PPIL3: variants seen among roughly 807,000 people sequenced by gnomAD.
PPIL3 encodes peptidylprolyl isomerase like 3.
PPIL3 carries 13 observed loss-of-function variants against 20.9 expected under a neutral mutation model. The observed-to-expected ratio is 0.62, with a 90% CI of 0.40 to 0.99. The LOEUF (loss-of-function observed/expected upper bound fraction) is 0.99, where lower values mean the gene tolerates loss of function less well. Ranked by LOEUF, PPIL3 falls within the 50% of genes least tolerant of loss-of-function variation. PPIL3 has a pLI of 0.00. For missense variants in PPIL3, 170 were observed against 195.2 expected (o/e 0.87, Z 0.77); for synonymous variants, 71 against 64.4 (o/e 1.10, Z -0.49).
Position 200,878,503 on chromosome 2 carries a change from C to T in PPIL3, c.241-1466G>A, listed in dbSNP as rs190502968. Among the ~76,000 whole-genome samples, 14 of 151,894 alleles carry T rather than the reference C, an allele frequency of 9.2e-5. No individual in the cohort carries two copies. In the East Asian group the frequency reaches 2.7e-3, roughly 29 times the overall value. On this transcript the variant is annotated intron_variant, in intron 5 of 6. Coordinates refer to ENST00000392283, the MANE Select transcript of PPIL3 (RefSeq NM_130906.3). ...CTCCTAGGCTTGAGCAATCCTTCCACCTTGGCCTCCTGAGTAGCTGAGACT... is the reference window on the plus strand; with the variant it reads ...CTCCTAGGCTTGAGCAATCCTTCCATCTTGGCCTCCTGAGTAGCTGAGACT...
chr2:200,882,874 C>T (rs1476041903), intron 3 of PPIL3, among the ~76,000 whole-genome samples: 6 of 146,806 alleles, frequency 4.1e-5, no homozygotes, highest in Non-Finnish European at 9.0e-5. Flanking sequence ...CACTCCAGCC[C>T]GGGCGACAGA....
chr2:200,888,980 A>G lies in PPIL3; in HGVS notation c.-95T>C. The G allele has an allele frequency of 2.1e-6, 1 of 471,248 alleles. No homozygotes were observed. The highest frequency in any genetic ancestry group is 2.3e-5 in the Admixed American group (1 of 42,590). 29.2% of individuals were successfully genotyped at this position (471,248 alleles called of 1,614,324 possible). On this transcript the variant is annotated 5_prime_UTR_variant, in exon 1 of 7. Transcript: ENST00000392283. ...CTTGGGCTTCACCACTTCGTCTAGCACAGCCGTTGTTAAAACAGGAAAAAT... is the reference window on the plus strand; with the variant it reads ...CTTGGGCTTCACCACTTCGTCTAGCGCAGCCGTTGTTAAAACAGGAAAAAT...
intron 5 of PPIL3, among the ~76,000 whole-genome samples, chr2:200,880,408 A>ATTTTTTTT (rs2039681301): frequency 1.9e-5 from 2 of 105,312 alleles, no homozygotes; most frequent in Admixed American, 8.2e-5. Flanking sequence ...GATTGAGTAG[A>ATTTTTTTT]CTTTTTTTTT....
At chr2:200,888,589 G>C (rs1015166173) in intron 1 of PPIL3, 5 of 211,444 alleles carry the variant, frequency 2.4e-5, no homozygotes, top group Non-Finnish European at 4.9e-5. Context: ...GCAGGATCTC[G>C]GCTCACTGCA....
intron 1 of PPIL3, 48 bp from the exon 2 acceptor site, chr2:200,887,733 TCA>T (rs1229633349): frequency 7.8e-6 from 6 of 769,980 alleles, no homozygotes; most frequent in Non-Finnish European, 1.1e-5. Flanking sequence ...CTGTCTTAAC[TCA>T]CACACGCTCA....
intron 5 of PPIL3, 113 bp from the exon 6 acceptor site, chr2:200,877,150 G>T: frequency 1.4e-6 from 1 of 717,546 alleles, no homozygotes. Context: ...TTTTGAGATT[G>T]GGGTCTCACT....
intron 6 of PPIL3, among the ~76,000 whole-genome samples, chr2:200,872,932 G>C (rs2039368026): frequency 6.6e-6 from 1 of 151,714 alleles, no homozygotes; most frequent in Non-Finnish European, 1.5e-5. Flanking sequence ...GAGTGCAATG[G>C]TGTGATCTCG....
chr2:200,886,558 T>G (rs1343470821), intron 2 of PPIL3, among the ~76,000 whole-genome samples: 1 of 152,024 alleles, frequency 6.6e-6, no homozygotes, highest in African/African-American at 2.4e-5. Context: ...CCCAAGTAGC[T>G]GGGATTACTG....
intron 6 of PPIL3, among the ~76,000 whole-genome samples, chr2:200,875,372 A>G (rs1355998845): frequency 6.6e-6 from 1 of 151,822 alleles, no homozygotes; most frequent in Non-Finnish European, 1.5e-5. Flanking sequence ...GGTTCAAGCC[A>G]TTCTCCTGCC....
At chr2:200,888,705 T>C in intron 1 of PPIL3, 1 of 327,268 alleles carries the variant, frequency 3.1e-6, no homozygotes, top group Non-Finnish European at 6.1e-6. Context: ...TTTGTATTTT[T>C]AGTAGAGACG....
chr2:200,879,416 G>A (rs543214803), intron 5 of PPIL3, among the ~76,000 whole-genome samples: 15 of 152,124 alleles, frequency 9.9e-5, no homozygotes, highest in Middle Eastern at 3.4e-3. Context: ...ACCGCGCCCG[G>A]CCTATATAAT....
chr2:200,884,247 A>C (rs377147440), intron 3 of PPIL3, among the ~76,000 whole-genome samples: 25 of 152,184 alleles, frequency 1.6e-4, no homozygotes, highest in African/African-American at 5.3e-4. Context: ...TACTAAAAAT[A>C]CAAAATTAGC....
At chr2:200,873,461 G>T (rs2039388293) in intron 6 of PPIL3, among the ~76,000 whole-genome samples, 1 of 151,476 alleles carries the variant, frequency 6.6e-6, no homozygotes, top group Non-Finnish European at 1.5e-5. Flanking sequence ...AAGTGCTGGG[G>T]TTATAGGCAT....
At chr2:200,871,855 A>G (rs1206761440) in intron 6 of PPIL3, among the ~76,000 whole-genome samples, 1 of 152,226 alleles carries the variant, frequency 6.6e-6, no homozygotes, top group African/African-American at 2.4e-5. Context: ...CTGTTTTTCT[A>G]CACTTTCATA....
chr2:200,887,379 CA>C (rs770510276), intron 2 of PPIL3, among the ~76,000 whole-genome samples: 4,141 of 50,832 alleles, frequency 0.081, 55 homozygotes, highest in African/African-American at 0.17. Flanking sequence ...GAGTGAAACT[CA>C]AAAAAAAAAA....
chr2:200,882,736 C>T (rs1271601650), intron 3 of PPIL3, among the ~76,000 whole-genome samples: 2 of 151,970 alleles, frequency 1.3e-5, no homozygotes, highest in African/African-American at 2.4e-5. Flanking sequence ...GAAACCCCAT[C>T]TCTACTAAAA....
At position 200,885,821 on chromosome 2, in the gene PPIL3, T is replaced by C. The variant is rs746084368; in HGVS notation, c.4-49A>G. 18 of 1,137,620 alleles carry C rather than the reference T, an allele frequency of 1.6e-5. No homozygotes were observed. The South Asian group carries it at 2.2e-4, about 14-fold the overall frequency. 70.5% of individuals were successfully genotyped at this position (1,137,620 alleles called of 1,614,324 possible). On this transcript the variant is annotated intron_variant, in intron 2 of 6. Transcript: ENST00000392283. ...AACAAATGAAATTTATTTAGGTGACTTTATGCATTGTTTATTTCCCTGTGT... is the reference window on the plus strand; with the variant it reads ...AACAAATGAAATTTATTTAGGTGACCTTATGCATTGTTTATTTCCCTGTGT...
intron 4 of PPIL3, among the ~76,000 whole-genome samples, chr2:200,881,985 A>C (rs1223209853): frequency 6.6e-6 from 1 of 152,228 alleles, no homozygotes; most frequent in Non-Finnish European, 1.5e-5. Context: ...AGAAAACCAA[A>C]CACCGCATAT....
At chr2:200,877,711 G>A (rs984397400) in intron 5 of PPIL3, 1 of 152,192 alleles carries the variant, frequency 6.6e-6, no homozygotes, top group Middle Eastern at 3.2e-3. Flanking sequence ...AAACATTAGA[G>A]AGAGATGAAG....
Sources: gnomAD v4.1 joint callset for allele counts (sites outside exome capture counted in the v4.1 genomes callset) on GRCh38, gnomAD v4.1.1 for gene constraint, MANE v1.5 for transcripts, NCBI Gene and HGNC (gene_info 2026-07-23, HGNC 2026-07-21) for gene names.